Variants in PPARGC1B observed in about 807,000 individuals in gnomAD.
The protein encoded by PPARGC1B is PPARG coactivator 1 beta.
Under a neutral mutation model 101.6 loss-of-function variants are expected in PPARGC1B, and 34 were observed. The ratio of observed to expected loss-of-function variants is 0.33; its 90% CI spans 0.25 to 0.45. The LOEUF (loss-of-function observed/expected upper bound fraction) is 0.45. Among genes scored for constraint, PPARGC1B ranks in the 20% least tolerant of loss-of-function variants. PPARGC1B has a pLI of 1.00. For missense variants in PPARGC1B, 1,234 were observed against 1,317.6 expected, an observed-to-expected ratio of 0.94 and a Z score of 0.98; for synonymous variants, 548 against 539.3, an observed-to-expected ratio of 1.02 and a Z score of -0.22.
rs149666958 is a variant in PPARGC1B, at chr5:149,817,428, C to T, written c.79-3005C>T. Among the ~76,000 whole-genome samples the T allele has an allele frequency of 1.1e-3, 172 of 152,266 alleles. 1 individual carries two copies. The highest frequency in any genetic ancestry group is 4.0e-3 in the African/African-American group (165 of 41,548). On this transcript the variant is annotated intron_variant, in intron 1 of 11. Coordinates refer to ENST00000309241, the MANE Select transcript of PPARGC1B (RefSeq NM_133263.4). Reference sequence around the variant, plus strand: ...TTAAGGGGTTGAGGCTACAGTGAGTCGTGATCAAGCCATGTTGTATTCTAG... The same window carrying T: ...TTAAGGGGTTGAGGCTACAGTGAGTTGTGATCAAGCCATGTTGTATTCTAG...
At chr5:149,791,600 G>A (rs1757023080) in intron 1 of PPARGC1B, among the ~76,000 whole-genome samples, 1 of 152,092 alleles carries the variant, frequency 6.6e-6, no homozygotes, top group African/African-American at 2.4e-5. Context: ...GTCTGGAGAG[G>A]CTGGTCTTTC....
intron 1 of PPARGC1B, among the ~76,000 whole-genome samples, chr5:149,737,350 G>C (rs1279248090): frequency 6.6e-6 from 1 of 152,134 alleles, no homozygotes; most frequent in African/African-American, 2.4e-5. Context: ...GTCTTGAGCT[G>C]TCTGCTTTTA....
At chr5:149,765,610 G>A (rs750758847) in intron 1 of PPARGC1B, among the ~76,000 whole-genome samples, 1 of 152,102 alleles carries the variant, frequency 6.6e-6, no homozygotes, top group Non-Finnish European at 1.5e-5. Context: ...ACATCGACCA[G>A]CACTTTGGGA....
At chr5:149,798,614 A>C (rs1385124758) in intron 1 of PPARGC1B, among the ~76,000 whole-genome samples, 1 of 152,220 alleles carries the variant, frequency 6.6e-6, no homozygotes, top group African/African-American at 2.4e-5. Context: ...GGGTGGCCTG[A>C]TTATAATCAC....
intron 9 of PPARGC1B, among the ~76,000 whole-genome samples, chr5:149,841,071 G>C (rs985456589): frequency 1.3e-5 from 2 of 152,216 alleles, no homozygotes; most frequent in African/African-American, 2.4e-5. Context: ...AGAAGGGAGA[G>C]AGAGATAATA....
At position 149,826,659 on chromosome 5, in the gene PPARGC1B, C is replaced by T. The variant is rs759137384; in HGVS notation, c.253-14C>T. On this transcript the variant is annotated splice_polypyrimidine_tract_variant and intron_variant, in intron 2 of 11. Transcript: ENST00000309241. ...CCATCTGCCTTTCTGACCCTCCCGC[C>T]CTCCTCACTCCAGATTGACAGTGAG... The T allele has an allele frequency of 7.5e-6, 12 of 1,607,618 alleles. No homozygotes were observed. The highest frequency in any genetic ancestry group is 3.3e-4 in the Middle Eastern group (2 of 6,050).
intron 8 of PPARGC1B, among the ~76,000 whole-genome samples, chr5:149,838,049 A>G (rs1414253846): frequency 6.6e-6 from 1 of 152,208 alleles, no homozygotes; most frequent in Non-Finnish European, 1.5e-5. Context: ...CTAGAGTATC[A>G]TACTCTGAGA....
Position 149,852,259 on chromosome 5 carries a change from T to C in PPARGC1B, c.*4701T>C, listed in dbSNP as rs1759795397. The stretch of plus-strand genomic sequence containing the variant: ...CAGAATCAGAAACCCTAATGTTTCT[T>C]ACTTGCTATGTGACCTTGGGCCCCT... On this transcript the variant is annotated 3_prime_UTR_variant, in exon 12 of 12. Coordinates refer to ENST00000309241, the MANE Select transcript of PPARGC1B (RefSeq NM_133263.4). 1 of 152,250 alleles carries C rather than the reference T, an allele frequency of 6.6e-6. No individual in the cohort carries two copies. Among genetic ancestry groups the C allele is most frequent in the South Asian group, 2.1e-4 (1 of 4,834 alleles). 9.4% of individuals were successfully genotyped at this position (152,250 alleles called of 1,614,324 possible).
chr5:149,844,156 T>A (rs557713537), intron 10 of PPARGC1B, among the ~76,000 whole-genome samples: 1 of 152,206 alleles, frequency 6.6e-6, no homozygotes, highest in African/African-American at 2.4e-5. Flanking sequence ...TTTTTGCCAA[T>A]TTTTTTAAAA....
At chr5:149,802,906 C>T (rs919191820) in intron 1 of PPARGC1B, among the ~76,000 whole-genome samples, 1 of 152,094 alleles carries the variant, frequency 6.6e-6, no homozygotes, top group Non-Finnish European at 1.5e-5. Context: ...AGTTCATGGA[C>T]CACAACATGA....
In PPARGC1B at chr5:149,785,239, G is replaced by A. The variant is rs185465361; in HGVS notation, c.79-35194G>A. On this transcript the variant is annotated intron_variant, in intron 1 of 11. Transcript: ENST00000309241. ...GATTGGACCAGATGCCCTCTTTTAA[G>A]GGCCCTTCTGGTTGTAAAGGTGGGA... is the stretch of plus-strand genomic sequence containing the variant. 2.3e-3 allele frequency among the ~76,000 whole-genome samples: 340 copies of A among 150,504 alleles called. 1 individual carries two copies. Among genetic ancestry groups the A allele is most frequent in the African/African-American group, 7.7e-3 (318 of 41,138 alleles).
intron 1 of PPARGC1B, among the ~76,000 whole-genome samples, chr5:149,767,845 G>C (rs772329474): frequency 2.6e-5 from 4 of 151,950 alleles, no homozygotes; most frequent in Admixed American, 6.6e-5. Context: ...GTGGGGGGTG[G>C]CGGATGCAGG....
At chr5:149,855,989 C>T (rs1327499895), downstream of PPARGC1B, among the ~76,000 whole-genome samples, 2 of 151,956 alleles carry the variant, frequency 1.3e-5, no homozygotes, top group African/African-American at 4.8e-5. Context: ...TGGTGAGGGG[C>T]GCCTGTAATC....
chr5:149,845,199 C>A (rs797005720), intron 10 of PPARGC1B, among the ~76,000 whole-genome samples: 1 of 152,130 alleles, frequency 6.6e-6, no homozygotes, highest in Non-Finnish European at 1.5e-5. Context: ...GGGCAAGATG[C>A]GTGCAGAAGA....
At chr5:149,820,646 G>T in intron 2 of PPARGC1B, 40 bp downstream of exon 2, 1 of 1,572,644 alleles carries the variant, frequency 6.4e-7, no homozygotes, top group Non-Finnish European at 8.6e-7. Context: ...ACCCTGCCAG[G>T]CCTCTCTCTC....
rs372108586 is a variant in PPARGC1B at position 149,835,472 on chromosome 5, G to C, written c.1807+107G>C. On this transcript the variant is annotated intron_variant, in intron 7 of 11. Transcript: ENST00000309241. ...GTGCCACGCAATGAACGATGCGCAA[G>C]ATGCCTGCCTTCACGGGGCTTATGT... is the stretch of plus-strand genomic sequence containing the variant. The C allele has an allele frequency of 2.1e-5, 20 of 966,152 alleles. No individual in the cohort carries two copies. In the East Asian group the frequency reaches 4.8e-4, roughly 23 times the overall value. The allele number at this position is 966,152 out of a possible 1,614,324, so 59.8% of individuals were successfully genotyped here.
chr5:149,808,901 G>A (rs1264519725), intron 1 of PPARGC1B, among the ~76,000 whole-genome samples: 1 of 152,104 alleles, frequency 6.6e-6, no homozygotes, highest in Non-Finnish European at 1.5e-5. Context: ...TTAGTAATGG[G>A]GGTAGTTCTG....
intron 1 of PPARGC1B, among the ~76,000 whole-genome samples, chr5:149,803,539 T>C (rs1192298664): frequency 2.0e-5 from 3 of 152,200 alleles, no homozygotes; most frequent in Non-Finnish European, 4.4e-5. Context: ...GGGCTTCATT[T>C]GACAAAACAC....
Position 149,847,782 on chromosome 5 carries a change from G to A in PPARGC1B, c.*224G>A, listed in dbSNP as rs1759626486. On this transcript the variant is annotated 3_prime_UTR_variant, in exon 12 of 12. Transcript: ENST00000309241. ...GTTTCCATGGTGTTGACGTTCCACT[G>A]CCACATTAGTGTCCTCGCTTCCAAC... is the stretch of plus-strand genomic sequence containing the variant. The A allele has an allele frequency of 1.8e-6, 1 of 546,260 alleles. No homozygotes were observed. Among genetic ancestry groups the A allele is most frequent in the African/African-American group, 1.9e-5 (1 of 53,074 alleles). 33.8% of individuals were successfully genotyped at this position (546,260 alleles called of 1,614,324 possible). A position where few individuals can be genotyped will look rare whatever the true frequency, so the allele number is the denominator to read the frequency against.
Sources: allele counts gnomAD v4.1 joint callset (sites outside exome capture counted in the v4.1 genomes callset), GRCh38; gene constraint gnomAD v4.1.1; transcripts MANE v1.5; gene names NCBI Gene and HGNC (gene_info 2026-07-23, HGNC 2026-07-21).